The following SPRED2 variants were observed in gnomAD, a reference collection of about 807,000 sequenced individuals.
SPRED2 encodes the protein sprouty related EVH1 domain containing 2.
A neutral mutation model predicts 43.0 loss-of-function variants in SPRED2; 47 were observed. The ratio of observed to expected loss-of-function variants is 1.09; its 90% CI spans 0.87 to 1.40. SPRED2 has a LOEUF of 1.40. Among genes scored for constraint, SPRED2 ranks in the 40% most tolerant of loss-of-function variants. SPRED2 has a pLI of 0.00. For synonymous variants in SPRED2, 225 were observed against 225.7 expected, an observed-to-expected ratio of 1.00 and a Z score of 0.03; for missense variants, 561 against 586.4, an observed-to-expected ratio of 0.96 and a Z score of 0.45.
At chr2:65,354,694 T>C (rs1260872216) in intron 1 of SPRED2, among the ~76,000 whole-genome samples, 2 of 152,098 alleles carry the variant, frequency 1.3e-5, no homozygotes, top group East Asian at 3.8e-4. Context: ...CTCAAATTTA[T>C]AAACCACAAG....
chr2:65,425,914 T>C (rs780691727), intron 1 of SPRED2, among the ~76,000 whole-genome samples: 4 of 152,274 alleles, frequency 2.6e-5, no homozygotes, highest in Non-Finnish European at 4.4e-5. Context: ...GGTCTGCCTC[T>C]ATTATCACTT....
intron 1 of SPRED2, among the ~76,000 whole-genome samples, chr2:65,349,162 C>T (rs1194727545): frequency 6.6e-6 from 1 of 151,986 alleles, no homozygotes; most frequent in Non-Finnish European, 1.5e-5. Flanking sequence ...CAAAAATTAG[C>T]TGGGCGTGGC....
chr2:65,427,744 G>T (rs1025346089), intron 1 of SPRED2, among the ~76,000 whole-genome samples: 1 of 152,212 alleles, frequency 6.6e-6, no homozygotes, highest in Admixed American at 6.5e-5. Flanking sequence ...CAGTTCAGAA[G>T]AATAATGAAC....
At position 65,418,598 on chromosome 2, in the gene SPRED2, G is replaced by A. The variant is rs141322838; in HGVS notation, c.26+13364C>T. Reference sequence around the variant, plus strand: ...TGACAGGGTCTCACTTTGTTGCCCGGGCTGGAGCATACTGGCACGACCTTG... The same window carrying A: ...TGACAGGGTCTCACTTTGTTGCCCGAGCTGGAGCATACTGGCACGACCTTG... On this transcript the variant is annotated intron_variant, in intron 1 of 5. Coordinates refer to ENST00000356388, the MANE Select transcript of SPRED2 (RefSeq NM_181784.3). Among the ~76,000 whole-genome samples the A allele has an allele frequency of 5.2e-3, 787 of 151,690 alleles. 6 individuals are homozygous for A. The highest frequency in any genetic ancestry group is 6.3e-3 in the Non-Finnish European group (427 of 67,884).
At chr2:65,363,324 G>A (rs1033786709) in intron 1 of SPRED2, among the ~76,000 whole-genome samples, 4 of 152,022 alleles carry the variant, frequency 2.6e-5, no homozygotes, top group Admixed American at 2.6e-4. Context: ...GACAATCCAG[G>A]TGCAGTTGAC....
intron 2 of SPRED2, among the ~76,000 whole-genome samples, chr2:65,337,560 G>C (rs1459700259): frequency 6.6e-6 from 1 of 152,196 alleles, no homozygotes; most frequent in Non-Finnish European, 1.5e-5. Flanking sequence ...CACAATCCCA[G>C]TTTCCATTTT....
intron 4 of SPRED2, among the ~76,000 whole-genome samples, chr2:65,329,855 A>T (rs940915835): frequency 6.6e-6 from 1 of 152,178 alleles, no homozygotes; most frequent in Non-Finnish European, 1.5e-5. Flanking sequence ...GTTGGGAGCT[A>T]TATCACACCA....
At chr2:65,325,691 A>G (rs767629819) in intron 4 of SPRED2, among the ~76,000 whole-genome samples, 1 of 152,242 alleles carries the variant, frequency 6.6e-6, no homozygotes, top group Non-Finnish European at 1.5e-5. Flanking sequence ...CTGTAATCCC[A>G]GCACTTTGGG....
chr2:65,352,924 A>C (rs1186898205), intron 1 of SPRED2, among the ~76,000 whole-genome samples: 1 of 152,212 alleles, frequency 6.6e-6, no homozygotes, highest in Non-Finnish European at 1.5e-5. Context: ...AGGCCCAGCC[A>C]GCTTTGATTT....
intron 4 of SPRED2, among the ~76,000 whole-genome samples, chr2:65,322,934 C>T (rs750578732): frequency 1.3e-5 from 2 of 152,170 alleles, no homozygotes; most frequent in Non-Finnish European, 2.9e-5. Flanking sequence ...ACCTTCTTTG[C>T]ATTCCTCAGA....
Position 65,311,143 on chromosome 2 carries a change from T to A in SPRED2, c.*2358A>T, listed in dbSNP as rs1673057311. On this transcript the variant is annotated 3_prime_UTR_variant, in exon 6 of 6. Transcript: ENST00000356388. ...ACAGAAAATCTTTTGGTTAATGTTT[T>A]GTTACCACAGATACAAAAATAAAAT... is the stretch of plus-strand genomic sequence containing the variant. 1.0e-6 allele frequency: 1 copy of A among 985,828 alleles called. No homozygotes were observed. The highest frequency in any genetic ancestry group is 1.2e-6 in the Non-Finnish European group (1 of 829,934). The allele number at this position is 985,828 out of a possible 1,614,324, so 61.1% of individuals were successfully genotyped here. A position where few individuals can be genotyped will look rare whatever the true frequency, so the allele number is the denominator to read the frequency against.
chr2:65,396,283 C>G (rs1263223397), intron 1 of SPRED2, among the ~76,000 whole-genome samples: 1 of 152,202 alleles, frequency 6.6e-6, no homozygotes, highest in Admixed American at 6.5e-5. Flanking sequence ...ACCTGTCCTT[C>G]AAGGCTCAAC....
At chr2:65,414,562 T>C (rs559121003) in intron 1 of SPRED2, among the ~76,000 whole-genome samples, 16 of 152,298 alleles carry the variant, frequency 1.1e-4, no homozygotes, top group African/African-American at 3.8e-4. Context: ...GGGGCCATCA[T>C]TCCCACCACC....
Position 65,359,631 on chromosome 2 carries a change from G to A in SPRED2, c.27-14735C>T, listed in dbSNP as rs144659412. On this transcript the variant is annotated intron_variant, in intron 1 of 5. Transcript: ENST00000356388. ...AGCTTTAAGTCATGCAGTCTGTGGT[G>A]GTTAAAGACCACTGCTGGCTGGGCG... is the stretch of plus-strand genomic sequence containing the variant. Among the ~76,000 whole-genome samples the A allele has an allele frequency of 1.2e-3, 186 of 152,266 alleles. 1 individual carries two copies. The highest frequency in any genetic ancestry group is 4.1e-3 in the African/African-American group (172 of 41,562).
intron 1 of SPRED2, chr2:65,377,651 T>C (rs1456589234): frequency 6.4e-6 from 3 of 471,284 alleles, no homozygotes; most frequent in Non-Finnish European, 1.3e-5. Context: ...TGAACCCAGA[T>C]GCCCAGCTGG....
intron 1 of SPRED2, chr2:65,374,241 C>A (rs925833139): frequency 6.6e-6 from 1 of 152,166 alleles, no homozygotes; most frequent in African/African-American, 2.4e-5. Context: ...ACCTTATGAA[C>A]CTTAGACATT....
At chr2:65,400,960 A>G (rs1388815272) in intron 1 of SPRED2, among the ~76,000 whole-genome samples, 1 of 151,764 alleles carries the variant, frequency 6.6e-6, no homozygotes, top group African/African-American at 2.4e-5. Context: ...CCTTATCATC[A>G]TTTTAAAATT....
rs746439810 is a variant in SPRED2 at position 65,316,756 on chromosome 2, G to C, written c.566C>G (p.Thr189Arg). Residue 189 changes from threonine (T) to arginine (R), a missense_variant, in exon 5 of 6, where the codon ACA becomes AGA. Thr to Arg is a moderately conservative substitution (Grantham distance 71). Transcript: ENST00000356388. ...CACCTGATCGAGGTGATAGTGGTCTGTGGGGTATGAGTCGTGGAGGTGGCC... is the reference window on the plus strand; with the variant it reads ...CACCTGATCGAGGTGATAGTGGTCTCTGGGGTATGAGTCGTGGAGGTGGCC... ...TLGHLHDSYP[T>R]DHYHLDQPMP... is the part of the protein sequence containing the mutation. 6.2e-7 allele frequency: 1 copy of C among 1,611,854 alleles called. No individual in the cohort carries two copies.
At chr2:65,358,541 G>A (rs560293457) in intron 1 of SPRED2, among the ~76,000 whole-genome samples, 6 of 152,304 alleles carry the variant, frequency 3.9e-5, no homozygotes, top group African/African-American at 1.2e-4. Context: ...GAAAATGTTA[G>A]GAAAAGGTAA....
Sources: allele counts gnomAD v4.1 joint callset (sites outside exome capture counted in the v4.1 genomes callset), GRCh38; gene constraint gnomAD v4.1.1; transcripts MANE v1.5; gene names NCBI Gene and HGNC (gene_info 2026-07-23, HGNC 2026-07-21).